The following FUT8 variants were observed in gnomAD, a reference collection of about 807,000 sequenced individuals.
The protein encoded by FUT8 is fucosyltransferase 8.
Under a neutral mutation model 71.3 loss-of-function variants are expected in FUT8, and 29 were observed. The ratio of observed to expected loss-of-function variants is 0.41; its 90% confidence interval spans 0.30 to 0.55. FUT8 has a LOEUF of 0.55. Among genes scored for constraint, FUT8 ranks in the 20% least tolerant of loss-of-function variants. FUT8 has a pLI of 0.34. For missense variants in FUT8, 544 were observed against 702.1 expected (o/e 0.77, Z 2.55); for synonymous variants, 254 against 239.3 (o/e 1.06, Z -0.57).
Position 65,594,142 on chromosome 14 carries a change from CA to C in FUT8, c.204-21835del, listed in dbSNP as rs572378957. On this transcript the variant is annotated intron_variant, in intron 3 of 10. Coordinates refer to ENST00000673929, the MANE Select transcript of FUT8 (RefSeq NM_001371533.1). ...CTTGACCCCTTTGTGGGGTGTATGA[CA>C]GGGGTGCCTCGTTTACTCAGCCTGC... Among the ~76,000 whole-genome samples the C allele has an allele frequency of 9.1e-4, 139 of 152,342 alleles. 1 individual carries two copies. The highest frequency in any genetic ancestry group is 2.9e-3 in the African/African-American group (121 of 41,588).
At chr14:65,692,263 GC>G (rs1893659790) in intron 7 of FUT8, among the ~76,000 whole-genome samples, 3 of 151,302 alleles carry the variant, frequency 2.0e-5, no homozygotes, top group Admixed American at 1.3e-4. Flanking sequence ...AGATGGGGCG[GC>G]TGGCCGGGCA....
At chr14:65,615,902 T>A in intron 3 of FUT8, 76 bp from the exon 4 acceptor site, 1 of 981,878 alleles carries the variant, frequency 1.0e-6, no homozygotes, top group Non-Finnish European at 1.5e-6. Context: ...ACAGTATAAA[T>A]GTTTTAGAAA....
intron 3 of FUT8, among the ~76,000 whole-genome samples, chr14:65,605,279 G>C (rs138032882): frequency 1.1e-4 from 16 of 151,846 alleles, no homozygotes; most frequent in Non-Finnish European, 2.2e-4. Context: ...CTAATATTAC[G>C]TTCCTACCTT....
chr14:65,424,210 A>G lies in FUT8; in HGVS notation c.-326+10996A>G, dbSNP rs557240160. Among the ~76,000 whole-genome samples, 4 of 152,374 alleles carry G rather than the reference A, an allele frequency of 2.6e-5. No individual in the cohort carries two copies. The East Asian group carries it at 7.7e-4, about 29-fold the overall frequency. On this transcript the variant is annotated intron_variant, in intron 1 of 10. Transcript: ENST00000673929. ...CTTGCTTGGAGATGATTAATGTCACATGGTACTTTAAGCAAATATTCACTC... is the reference window on the plus strand; with the variant it reads ...CTTGCTTGGAGATGATTAATGTCACGTGGTACTTTAAGCAAATATTCACTC...
chr14:65,495,078 T>C (rs949491195), intron 2 of FUT8, among the ~76,000 whole-genome samples: 1 of 151,998 alleles, frequency 6.6e-6, no homozygotes, highest in Non-Finnish European at 1.5e-5. Context: ...AGGGACTTTG[T>C]ACCTCTTTCT....
At chr14:65,693,279 C>T (rs1209735453) in intron 7 of FUT8, among the ~76,000 whole-genome samples, 12 of 152,174 alleles carry the variant, frequency 7.9e-5, no homozygotes, top group African/African-American at 2.2e-4. Flanking sequence ...CCGAGGCTGG[C>T]GGATCACTCG....
chr14:65,518,219 CAT>C (rs1292355018), intron 2 of FUT8, among the ~76,000 whole-genome samples: 2 of 152,070 alleles, frequency 1.3e-5, no homozygotes, highest in African/African-American at 4.8e-5. Flanking sequence ...CAAAGGAAAA[CAT>C]ATATTTTAGA....
At chr14:65,553,239 ATATATG>A (rs1168547145) in intron 2 of FUT8, among the ~76,000 whole-genome samples, 1 of 152,150 alleles carries the variant, frequency 6.6e-6, no homozygotes, top group African/African-American at 2.4e-5. Context: ...GGATCTTTAT[ATATATG>A]TATATGTATA....
At chr14:65,385,416 T>G in the FUT8 span, among the ~76,000 whole-genome samples, 2 of 152,198 alleles carry the variant, frequency 1.3e-5, no homozygotes, top group Non-Finnish European at 2.9e-5. Flanking sequence ...TGAATAGAAG[T>G]TATGCTTGGC....
chr14:65,683,858 T>C (rs1308528422), intron 7 of FUT8, among the ~76,000 whole-genome samples: 1 of 152,024 alleles, frequency 6.6e-6, no homozygotes, highest in Non-Finnish European at 1.5e-5. Context: ...AGCTTCAAGC[T>C]GTTTCTTTTT....
At chr14:65,524,829 A>C (rs1883336121) in intron 2 of FUT8, among the ~76,000 whole-genome samples, 1 of 152,118 alleles carries the variant, frequency 6.6e-6, no homozygotes, top group African/African-American at 2.4e-5. Context: ...CTATTGAGAT[A>C]ATCATGTGGT....
intron 7 of FUT8, among the ~76,000 whole-genome samples, chr14:65,706,811 T>TG (rs34075225): frequency 6.6e-6 from 1 of 152,086 alleles, no homozygotes; most frequent in African/African-American, 2.4e-5. Flanking sequence ...CATATGAATT[T>TG]GGGGGGAAAA....
chr14:65,421,593 C>G (rs1260366633), intron 1 of FUT8, among the ~76,000 whole-genome samples: 13 of 152,176 alleles, frequency 8.5e-5, no homozygotes, highest in Non-Finnish European at 1.9e-4. Context: ...GCCATATCGT[C>G]TGATGTCATT....
intron 2 of FUT8, among the ~76,000 whole-genome samples, chr14:65,506,443 C>T (rs1232949263): frequency 6.6e-6 from 1 of 152,156 alleles, no homozygotes; most frequent in Admixed American, 6.6e-5. Context: ...TGGGGATTGG[C>T]ATCCATATGT....
intron 7 of FUT8, among the ~76,000 whole-genome samples, chr14:65,677,172 A>C: frequency 1.5e-5 from 1 of 65,414 alleles, no homozygotes; most frequent in East Asian, 6.0e-4. Flanking sequence ...ATGCGCGCGC[A>C]CGTATGTGTG....
rs1020613108 is a variant in FUT8 at position 65,589,087 on chromosome 14, T to A, written c.204-26891T>A. Among the ~76,000 whole-genome samples the A allele has an allele frequency of 2.6e-5, 4 of 152,334 alleles. No individual in the cohort carries two copies. The South Asian group carries it at 8.3e-4, about 32-fold the overall frequency. On this transcript the variant is annotated intron_variant, in intron 3 of 10. Transcript: ENST00000673929. ...TTTTCAACTTTGTTCTTTTCTTCAG[T>A]GTTACACAAAAGACAGACATTTTTA...
intron 2 of FUT8, among the ~76,000 whole-genome samples, chr14:65,523,130 A>G (rs1435601294): frequency 2.0e-5 from 3 of 152,108 alleles, no homozygotes; most frequent in African/African-American, 7.2e-5. Context: ...CTAGTTCTAG[A>G]TCCTTGAGGA....
At chr14:65,684,959 G>A (rs1190184768) in intron 7 of FUT8, among the ~76,000 whole-genome samples, 8 of 152,148 alleles carry the variant, frequency 5.3e-5, no homozygotes, top group Non-Finnish European at 1.0e-4. Flanking sequence ...CCAGTTTCAT[G>A]TTTAATTAGT....
intron 1 of FUT8, among the ~76,000 whole-genome samples, chr14:65,446,349 C>T (rs561902470): frequency 3.3e-5 from 5 of 152,258 alleles, no homozygotes; most frequent in Admixed American, 6.5e-5. Flanking sequence ...TAGGTGTGAT[C>T]CCTTTGGCAA....
Sources: allele counts gnomAD v4.1 joint callset (sites outside exome capture counted in the v4.1 genomes callset), GRCh38; gene constraint gnomAD v4.1.1; transcripts MANE v1.5; gene names NCBI Gene and HGNC (gene_info 2026-07-23, HGNC 2026-07-21).